The following PPP2R5C variants were observed in gnomAD, a reference collection of about 807,000 sequenced individuals.
PPP2R5C encodes the protein serine/threonine-protein phosphatase 2A 56 kDa regulatory subunit gamma isoform.
PPP2R5C carries 7 observed loss-of-function variants against 68.9 expected under a neutral mutation model. That is an observed-to-expected ratio of 0.10 (90% CI 0.06 to 0.19). The LOEUF (loss-of-function observed/expected upper bound fraction) is 0.19. PPP2R5C is among the 10% of genes least tolerant of loss of function. The pLI, the probability that PPP2R5C is intolerant of heterozygous loss-of-function variation, is 1.00. For missense variants in PPP2R5C, 348 were observed against 641.3 expected (o/e 0.54, Z 4.94); for synonymous variants, 210 against 222.2 (o/e 0.95, Z 0.49).
chr14:101,805,428 G>C (rs933023818), upstream of PPP2R5C, among the ~76,000 whole-genome samples: 7 of 152,234 alleles, frequency 4.6e-5, no homozygotes, highest in Admixed American at 4.6e-4. Flanking sequence ...CAGTATGGCA[G>C]TTCTTCCAAA....
Position 101,882,076 on chromosome 14 carries a change from G to T in PPP2R5C, c.295-85G>T. On this transcript the variant is annotated intron_variant, in intron 2 of 13. Coordinates refer to ENST00000334743, the Ensembl canonical transcript of PPP2R5C. This position sits in a 1 kb window ranked among gnomAD's most constrained non-coding sequence, Gnocchi z 4.9. ...TAAGTTACCATGGGAAGCGGCTACT[G>T]TTAGAATTACCTAAGACTTTATAAA... 3.4e-6 allele frequency: 4 copies of T among 1,169,042 alleles called. No homozygotes were observed. The South Asian group carries it at 6.7e-5, about 20-fold the overall frequency. 72.4% of individuals were successfully genotyped at this position (1,169,042 alleles called of 1,614,324 possible). A position where few individuals can be genotyped will look rare whatever the true frequency, so the allele number is the denominator to read the frequency against.
intron 11 of PPP2R5C, among the ~76,000 whole-genome samples, chr14:101,911,286 C>G (rs1363737317): frequency 6.6e-6 from 1 of 152,030 alleles, no homozygotes; most frequent in Non-Finnish European, 1.5e-5. Flanking sequence ...AAAAAAAATC[C>G]TTGCCCTTTT....
chr14:101,912,067 C>T (rs770244556), intron 11 of PPP2R5C, among the ~76,000 whole-genome samples: 44 of 152,092 alleles, frequency 2.9e-4, no homozygotes, highest in South Asian at 6.2e-4. Context: ...CTCGTTTTTT[C>T]AGTGGATATA....
At chr14:101,822,551 T>C (rs1460519235) in intron 1 of PPP2R5C, among the ~76,000 whole-genome samples, 1 of 152,200 alleles carries the variant, frequency 6.6e-6, no homozygotes, top group Non-Finnish European at 1.5e-5. Flanking sequence ...AAGTTAAAGT[T>C]GTGATTTTGG....
Position 101,924,359 on chromosome 14 carries a change from T to A in PPP2R5C, c.1444-782T>A, listed in dbSNP as rs999660798. Reference sequence around the variant, plus strand: ...TGGATTGGAGAAGAGAGTATATATTTTTTTCAATTTGATAGAAGTTTGAAA... The same window carrying A: ...TGGATTGGAGAAGAGAGTATATATTATTTTCAATTTGATAGAAGTTTGAAA... On this transcript the variant is annotated intron_variant, in intron 13 of 13. Transcript: ENST00000334743. Among the ~76,000 whole-genome samples, 4 of 151,970 alleles carry A rather than the reference T, an allele frequency of 2.6e-5. No homozygotes were observed. In the East Asian group the frequency reaches 5.8e-4, roughly 22 times the overall value.
rs970030999 is a variant in PPP2R5C, at chr14:101,781,449, G to A, written c.94-4569G>A. 1.2e-4 allele frequency among the ~76,000 whole-genome samples: 19 copies of A among 152,212 alleles called. No individual in the cohort carries two copies. Among genetic ancestry groups the A allele is most frequent in the African/African-American group, 4.1e-4 (17 of 41,542 alleles). On this transcript the variant is annotated intron_variant, in intron 2 of 14. Transcript: ENST00000328724. This position sits in a 1 kb window ranked among gnomAD's most constrained non-coding sequence, Gnocchi z 6.4. The stretch of plus-strand genomic sequence containing the variant: ...CAGGCTCGACCTCACTCCTGTTGTC[G>A]CTGCAGACCCGCGTGGGCTCCCGCC...
upstream of PPP2R5C, chr14:101,760,623 G>A: frequency 1.2e-6 from 1 of 844,680 alleles, no homozygotes; most frequent in Non-Finnish European, 1.4e-6. Context: ...CTGTCGGGTA[G>A]GCGGGACCTT....
intron 1 of PPP2R5C, among the ~76,000 whole-genome samples, chr14:101,842,164 T>G (rs188942743): frequency 1.3e-5 from 2 of 152,136 alleles, no homozygotes; most frequent in African/African-American, 4.8e-5. Context: ...AATAAAAATA[T>G]CAAATCTTTA....
intron 3 of PPP2R5C, among the ~76,000 whole-genome samples, chr14:101,788,188 T>G (rs1223605744): frequency 6.6e-6 from 1 of 152,232 alleles, no homozygotes; most frequent in African/African-American, 2.4e-5. Context: ...CAGCTGGGGC[T>G]TGGATCTGCC....
At chr14:101,785,743 T>C (rs557210628) in intron 2 of PPP2R5C, among the ~76,000 whole-genome samples, 1 of 152,344 alleles carries the variant, frequency 6.6e-6, no homozygotes, top group East Asian at 1.9e-4. Context: ...GGCGTCATTA[T>C]TTAGTCTACC....
chr14:101,788,299 A>C lies in PPP2R5C; in HGVS notation c.259+2116A>C, dbSNP rs1402960498. On this transcript the variant is annotated intron_variant, in intron 3 of 14. Transcript: ENST00000328724. ...CTGCTGCTGAATTTGGTCAAATGCC[A>C]TATGATTTTTCTCCTTAAGATGTTA... Among the ~76,000 whole-genome samples, 4 of 152,346 alleles carry C rather than the reference A, an allele frequency of 2.6e-5. No homozygotes were observed. The South Asian group carries it at 8.3e-4, about 32-fold the overall frequency.
chr14:101,812,863 C>T (rs1436057824), intron 1 of PPP2R5C, among the ~76,000 whole-genome samples: 2 of 152,218 alleles, frequency 1.3e-5, no homozygotes, highest in African/African-American at 2.4e-5. Flanking sequence ...TTTGTTGTCA[C>T]GATCGCTTTG....
chr14:101,883,694 T>C (rs1376868059), intron 5 of PPP2R5C, 132 bp downstream of exon 7: 2 of 1,227,358 alleles, frequency 1.6e-6, no homozygotes, highest in Non-Finnish European at 2.3e-6. Flanking sequence ...CTATTTGTCA[T>C]GTGCAGGTGG....
intron 1 of PPP2R5C, among the ~76,000 whole-genome samples, chr14:101,847,076 C>T (rs925279049): frequency 3.9e-5 from 6 of 152,166 alleles, no homozygotes; most frequent in East Asian, 3.8e-4. Flanking sequence ...ATATTTCAAA[C>T]GGTACCTCTC....
At chr14:101,807,575 A>T (rs2039126292), upstream of PPP2R5C, among the ~76,000 whole-genome samples, 3 of 152,196 alleles carry the variant, frequency 2.0e-5, no homozygotes, top group African/African-American at 7.2e-5. Context: ...TAGCTGCAGT[A>T]TTTATATTTT....
chr14:101,860,855 C>T (rs2042698226), intron 2 of PPP2R5C, among the ~76,000 whole-genome samples: 1 of 152,200 alleles, frequency 6.6e-6, no homozygotes, highest in African/African-American at 2.4e-5. Flanking sequence ...ACGTCCTGAT[C>T]ATCTAGCTTG....
At chr14:101,907,714 G>T (rs899337690) in intron 10 of PPP2R5C, among the ~76,000 whole-genome samples, 1 of 152,172 alleles carries the variant, frequency 6.6e-6, no homozygotes. Flanking sequence ...CTCTGGCCCG[G>T]TGCGGTCTCC....
rs1473202467 is a variant in PPP2R5C at position 101,801,025 on chromosome 14, T to G, written c.259+14842T>G. ...ATGTGGGAGGTAAAAAAATAATGGA[T>G]CTCATGGAGGTAGAGAGGAGAATGG... On this transcript the variant is annotated intron_variant, in intron 3 of 14. Coordinates refer to the PPP2R5C transcript ENST00000328724. Among the ~76,000 whole-genome samples the G allele has an allele frequency of 2.6e-5, 4 of 151,818 alleles. No homozygotes were observed. The East Asian group carries it at 5.8e-4, about 22-fold the overall frequency.
At chr14:101,861,062 C>T (rs1011496335) in intron 2 of PPP2R5C, among the ~76,000 whole-genome samples, 4 of 152,148 alleles carry the variant, frequency 2.6e-5, no homozygotes, top group Non-Finnish European at 5.9e-5. Flanking sequence ...TAATCTGTTT[C>T]TCGGGCACAG....
Sources: allele counts gnomAD v4.1 joint callset (sites outside exome capture counted in the v4.1 genomes callset), GRCh38; gene constraint gnomAD v4.1.1; non-coding constraint Gnocchi (gnomAD v3.1); transcripts MANE v1.5; gene names NCBI Gene and HGNC (gene_info 2026-07-23, HGNC 2026-07-21).